SLC5A10: variants seen among roughly 807,000 people sequenced by gnomAD.
The protein encoded by SLC5A10 is solute carrier family 5 member 10.
A neutral mutation model predicts 68.9 loss-of-function variants in SLC5A10; 55 were observed. That is an observed-to-expected ratio of 0.80 (90% CI 0.64 to 1.00). SLC5A10 has a LOEUF of 1.00. Among genes scored for constraint, SLC5A10 ranks in the 50% least tolerant of loss-of-function variants. The probability of loss-of-function intolerance (pLI) is 0.00; values close to 1 mark genes in which losing one functional copy is unlikely to be tolerated. For missense variants in SLC5A10, 732 were observed against 819.3 expected, an observed-to-expected ratio of 0.89 and a Z score of 1.30; for synonymous variants, 344 against 344.8, an observed-to-expected ratio of 1.00 and a Z score of 0.02.
chr17:18,977,102 C>A, intron 9 of SLC5A10, 113 bp downstream of exon 9: 1 of 1,455,220 alleles, frequency 6.9e-7, no homozygotes, highest in Non-Finnish European at 9.3e-7. Flanking sequence ...AACTGTTCCC[C>A]AACCTGGGGA....
intron 8 of SLC5A10, among the ~76,000 whole-genome samples, chr17:18,973,453 C>T (rs1005048969): frequency 1.3e-5 from 2 of 152,230 alleles, no homozygotes; most frequent in Admixed American, 6.5e-5. Flanking sequence ...CTGGCCTCTG[C>T]CCTACCTCCC....
At chr17:18,976,554 C>G in intron 8 of SLC5A10, 2 of 372,776 alleles carry the variant, frequency 5.4e-6, no homozygotes, top group Non-Finnish European at 9.7e-6. Context: ...TCTCCTCCAG[C>G]CCTGACAATT....
rs955077630 is a variant in SLC5A10 at position 19,003,694 on chromosome 17, G to T, written c.983-9716G>T. ...CCGACTTCTGGGGCCAGTACTCCAG[G>T]GAGGGCAGCGGCTCGGCCTCGATGG... On this transcript the variant is annotated intron_variant, in intron 9 of 14. Transcript: ENST00000395645. This position sits in a 1 kb window ranked among gnomAD's most constrained non-coding sequence, Gnocchi z 4.5. 19 of 1,608,028 alleles carry T rather than the reference G, an allele frequency of 1.2e-5. No individual in the cohort carries two copies. The East Asian group carries it at 4.2e-4, about 36-fold the overall frequency.
chr17:18,996,761 G>A lies in SLC5A10; in HGVS notation c.983-16649G>A, dbSNP rs79096555. Reference sequence around the variant, plus strand: ...GGCCACCCTGTCAACTAGTGGCAGAGGTCTCCTGTTCCTAGGCTTTTCTCC... The same window carrying A: ...GGCCACCCTGTCAACTAGTGGCAGAAGTCTCCTGTTCCTAGGCTTTTCTCC... On this transcript the variant is annotated intron_variant, in intron 9 of 14. Coordinates refer to ENST00000395645, the MANE Select transcript of SLC5A10 (RefSeq NM_001042450.4). The surrounding 1 kb of genome is among the most constrained non-coding windows in gnomAD (Gnocchi z 4.4). Among the ~76,000 whole-genome samples, 1,532 of 152,312 alleles carry A rather than the reference G, an allele frequency of 0.01. 88 individuals carry two copies. In the East Asian group the frequency reaches 0.17, roughly 17 times the overall value.
intron 9 of SLC5A10, chr17:18,978,980 A>G (rs1458751730): frequency 2.9e-6 from 3 of 1,047,088 alleles, no homozygotes; most frequent in Non-Finnish European, 4.2e-6. Context: ...GAATGGGGGC[A>G]GAGAGCAGGT....
chr17:18,990,597 T>C (rs1023744812), intron 9 of SLC5A10, among the ~76,000 whole-genome samples: 5 of 152,164 alleles, frequency 3.3e-5, no homozygotes, highest in African/African-American at 1.2e-4. Context: ...TGTGCGCCAC[T>C]CCCCACATTG....
chr17:18,959,202 C>G lies in SLC5A10; in HGVS notation c.251C>G (p.Ala84Gly), dbSNP rs749493783. ...GLFIGLAGSG[A>G]AGGLAVAGFE... ...TTCATTGGACTGGCGGGCTCAGGCGCGGCAGGAGGTCTGGCCGTGGCAGGC... is the reference window on the plus strand; with the variant it reads ...TTCATTGGACTGGCGGGCTCAGGCGGGGCAGGAGGTCTGGCCGTGGCAGGC... The change falls in exon 3 of 15, where the codon GCG (alanine) becomes GGG (glycine). Residue 84 changes from alanine to glycine, a missense_variant. Transcript: ENST00000395645. The G allele has an allele frequency of 6.2e-7, 1 of 1,613,150 alleles. No individual in the cohort carries two copies. Among genetic ancestry groups the G allele is most frequent in the South Asian group, 1.1e-5 (1 of 91,062 alleles).
chr17:18,978,721 G>A, intron 9 of SLC5A10: 1 of 1,613,018 alleles, frequency 6.2e-7, no homozygotes, highest in Non-Finnish European at 8.5e-7. Context: ...TCTCCATAGG[G>A]ATGCCCTTGA....
intron 4 of SLC5A10, 108 bp from the exon 5 acceptor site, chr17:18,960,440 G>C (rs977653022): frequency 5.0e-6 from 5 of 994,072 alleles, no homozygotes; most frequent in Admixed American, 3.7e-5. Context: ...TGAGAGGCTC[G>C]CAGCTGCTTT....
At chr17:18,954,220 G>C (rs1022586178) in intron 1 of SLC5A10, 9 of 152,372 alleles carry the variant, frequency 5.9e-5, no homozygotes, top group Admixed American at 3.3e-4. Flanking sequence ...GACAGTGGAG[G>C]GTTTCTGGAT....
rs756396719 is a variant in SLC5A10, at chr17:19,019,432, A to G, written c.1251A>G (p.Ile417Met). 8.7e-6 allele frequency: 14 copies of G among 1,610,566 alleles called. No homozygotes were observed. Among genetic ancestry groups the G allele is most frequent in the Non-Finnish European group, 1.2e-5 (14 of 1,179,780 alleles). Residue 417 changes from isoleucine to methionine, a missense_variant, in exon 12 of 15, where the codon ATA becomes ATG. Coordinates refer to ENST00000395645, the MANE Select transcript of SLC5A10 (RefSeq NM_001042450.4). ...RELLLVGRLV[I>M]VALIGVSVAW... ...TTCCACTCGCCTGCAGGCTGGTCAT[A>G]GTGGCACTCATCGGCGTGAGTGTGG...
intron 1 of SLC5A10, among the ~76,000 whole-genome samples, chr17:18,955,472 G>C (rs2042479724): frequency 6.6e-6 from 1 of 152,204 alleles, no homozygotes; most frequent in Non-Finnish European, 1.5e-5. Flanking sequence ...GGGCCTTCGG[G>C]GAACCTTAAA....
chr17:19,007,725 C>G (rs1314287077), intron 9 of SLC5A10, among the ~76,000 whole-genome samples: 1 of 152,192 alleles, frequency 6.6e-6, no homozygotes, highest in Non-Finnish European at 1.5e-5. Context: ...CTTTTTCATC[C>G]TCTTCGAGGT....
Position 19,017,323 on chromosome 17 carries a change from T to C in SLC5A10, c.1242-2100T>C. On this transcript the variant is annotated intron_variant, in intron 11 of 14. Transcript: ENST00000395645. This position sits in a 1 kb window ranked among gnomAD's most constrained non-coding sequence, Gnocchi z 5.6. ...CAACACCCCCAGCCCCTCAAAGCCGTCTCAGCTTCCTCCTGCCCGAAACAC... is the reference window on the plus strand; with the variant it reads ...CAACACCCCCAGCCCCTCAAAGCCGCCTCAGCTTCCTCCTGCCCGAAACAC... The C allele has an allele frequency of 2.6e-6, 4 of 1,552,026 alleles. No homozygotes were observed. Among genetic ancestry groups the C allele is most frequent in the Non-Finnish European group, 3.5e-6 (4 of 1,147,062 alleles).
chr17:18,997,769 C>G (rs1245233249), intron 9 of SLC5A10, among the ~76,000 whole-genome samples: 1 of 152,204 alleles, frequency 6.6e-6, no homozygotes, highest in Non-Finnish European at 1.5e-5. Context: ...AGACTACTCA[C>G]AGAGAGAAGC....
In SLC5A10 at chr17:18,970,946, G is replaced by T. The variant is rs373804510; in HGVS notation, c.641-67G>T. ...GAAGTTTCTTGTGAGATGAAGGCAG[G>T]GGGGAGCCCAGGGAGTCAGGGCCCC... On this transcript the variant is annotated intron_variant, in intron 7 of 14. Coordinates refer to ENST00000395645, the MANE Select transcript of SLC5A10 (RefSeq NM_001042450.4). 4.3e-4 allele frequency: 632 copies of T among 1,485,926 alleles called. 1 individual carries two copies. The highest frequency in any genetic ancestry group is 5.4e-4 in the Non-Finnish European group (579 of 1,067,606). 92.0% of individuals were successfully genotyped at this position (1,485,926 alleles called of 1,614,324 possible). A position where few individuals can be genotyped will look rare whatever the true frequency, so the allele number is the denominator to read the frequency against.
At chr17:18,972,007 T>A (rs1187272099) in intron 8 of SLC5A10, among the ~76,000 whole-genome samples, 1 of 152,164 alleles carries the variant, frequency 6.6e-6, no homozygotes, top group Admixed American at 6.5e-5. Context: ...CCTCCTCTAT[T>A]CCGACACAGG....
In SLC5A10 at chr17:18,952,372, G is replaced by C. The variant is rs192021842; in HGVS notation, c.111+56G>C. 5 of 1,562,706 alleles carry C rather than the reference G, an allele frequency of 3.2e-6. 1 individual carries two copies. The highest frequency in any genetic ancestry group is 1.9e-5 in the Admixed American group (1 of 52,588). On this transcript the variant is annotated intron_variant, in intron 1 of 14. Coordinates refer to ENST00000395645, the MANE Select transcript of SLC5A10 (RefSeq NM_001042450.4). ...TGGGCTCTCAGGGTTGGTGCTTGGGGTGGGAACCGGGGTCCAGCATGTCCC... is the reference window on the plus strand; with the variant it reads ...TGGGCTCTCAGGGTTGGTGCTTGGGCTGGGAACCGGGGTCCAGCATGTCCC...
chr17:18,955,418 A>G (rs919417521), intron 1 of SLC5A10, among the ~76,000 whole-genome samples: 3 of 152,218 alleles, frequency 2.0e-5, no homozygotes, highest in African/African-American at 7.2e-5. Context: ...GCGAGGACTA[A>G]GAACTCCACA....
Sources: allele counts gnomAD v4.1 joint callset (sites outside exome capture counted in the v4.1 genomes callset), GRCh38; gene constraint gnomAD v4.1.1; non-coding constraint Gnocchi (gnomAD v3.1); transcripts MANE v1.5; gene names NCBI Gene and HGNC (gene_info 2026-07-23, HGNC 2026-07-21).